TRIM37: variants seen among roughly 807,000 people sequenced by gnomAD.
The protein encoded by TRIM37 is tripartite motif containing 37.
TRIM37 carries 80 observed loss-of-function variants against 129.8 expected under a neutral mutation model. The ratio of observed to expected loss-of-function variants is 0.62; its 90% CI spans 0.51 to 0.74. TRIM37 has a LOEUF of 0.74. TRIM37 is among the 30% of genes least tolerant of loss of function. TRIM37 has a pLI of 0.00. For missense variants in TRIM37, 1,054 were observed against 1,176.5 expected (o/e 0.90, Z 1.52); for synonymous variants, 389 against 387.1 (o/e 1.00, Z -0.06).
At chr17:58,987,615 T>G (rs543538213) in intron 24 of TRIM37, among the ~76,000 whole-genome samples, 1 of 152,300 alleles carries the variant, frequency 6.6e-6, no homozygotes, top group African/African-American at 2.4e-5. Flanking sequence ...ATCTAGACTA[T>G]GAAGGCATGT....
chr17:59,102,975 T>C (rs922207146), intron 2 of TRIM37, among the ~76,000 whole-genome samples: 9 of 151,320 alleles, frequency 5.9e-5, no homozygotes, highest in Non-Finnish European at 1.3e-4. Context: ...CGGGTTCAAG[T>C]GATTCTCCTG....
chr17:59,014,162 C>T (rs780214107), intron 21 of TRIM37, among the ~76,000 whole-genome samples: 8 of 152,090 alleles, frequency 5.3e-5, no homozygotes, highest in Non-Finnish European at 1.0e-4. Context: ...ATTTTAACAC[C>T]TTTCTACTAC....
chr17:59,020,399 A>C (rs1567993993), intron 19 of TRIM37, among the ~76,000 whole-genome samples: 2 of 151,896 alleles, frequency 1.3e-5, no homozygotes, highest in African/African-American at 2.4e-5. Flanking sequence ...AGAAAAAAAA[A>C]CAGAAGTAAG....
At chr17:58,992,775 G>T (rs2032582752) in intron 24 of TRIM37, among the ~76,000 whole-genome samples, 1 of 152,186 alleles carries the variant, frequency 6.6e-6, no homozygotes, top group Non-Finnish European at 1.5e-5. Context: ...AGCTCCAACT[G>T]TCTAATGACA....
intron 15 of TRIM37, among the ~76,000 whole-genome samples, chr17:59,048,944 A>C: frequency 6.6e-6 from 1 of 152,232 alleles, no homozygotes; most frequent in East Asian, 1.9e-4. Context: ...AGGTTTTAAA[A>C]TGTGTATCAC....
chr17:59,057,391 A>G (rs1338741867), intron 12 of TRIM37, among the ~76,000 whole-genome samples: 3 of 152,098 alleles, frequency 2.0e-5, no homozygotes, highest in Non-Finnish European at 1.5e-5. Context: ...TTGTATTTTT[A>G]GTGGAGACGG....
intron 2 of TRIM37, among the ~76,000 whole-genome samples, chr17:59,098,529 A>G (rs1366030208): frequency 6.6e-6 from 1 of 151,988 alleles, no homozygotes; most frequent in Non-Finnish European, 1.5e-5. Flanking sequence ...GCCAGGCACG[A>G]TGGCACACAC....
At chr17:59,035,621 G>A (rs1398308215) in intron 17 of TRIM37, among the ~76,000 whole-genome samples, 2 of 151,748 alleles carry the variant, frequency 1.3e-5, no homozygotes, top group Non-Finnish European at 2.9e-5. Context: ...GTGGTGGAGG[G>A]CACCTGTAAT....
chr17:59,089,165 G>A (rs903728436), intron 3 of TRIM37, among the ~76,000 whole-genome samples: 3 of 152,058 alleles, frequency 2.0e-5, no homozygotes, highest in African/African-American at 4.8e-5. Context: ...GAGGTAGGAG[G>A]ACCACATGAG....
chr17:59,022,217 T>C (rs148032083), intron 19 of TRIM37, among the ~76,000 whole-genome samples: 7 of 152,218 alleles, frequency 4.6e-5, no homozygotes, highest in South Asian at 2.1e-4. Flanking sequence ...GGATCCTAAG[T>C]AAAATATTAG....
chr17:59,104,565 G>C, intron 1 of TRIM37, 171 bp from the exon 2 acceptor site: 1 of 770,764 alleles, frequency 1.3e-6, no homozygotes, highest in South Asian at 1.4e-5. Context: ...AAAACATCTG[G>C]AAAATGTACT....
chr17:59,050,600 C>T (rs555842138), intron 14 of TRIM37, among the ~76,000 whole-genome samples: 2 of 152,022 alleles, frequency 1.3e-5, no homozygotes, highest in African/African-American at 4.8e-5. Context: ...GAAGATCACC[C>T]GAGCTTGGGA....
intron 12 of TRIM37, among the ~76,000 whole-genome samples, chr17:59,060,242 T>C (rs1488285587): frequency 6.6e-6 from 1 of 152,162 alleles, no homozygotes; most frequent in African/African-American, 2.4e-5. Context: ...GGAGAAATTG[T>C]AGAGTTAGTT....
intron 12 of TRIM37, 150 bp from the exon 13 acceptor site, chr17:59,057,204 G>A: frequency 1.4e-6 from 1 of 731,748 alleles, no homozygotes; most frequent in South Asian, 1.8e-5. Context: ...TATAAAAACA[G>A]CAGTATTTTG....
rs2037248748 is a variant in TRIM37, at chr17:59,026,377, A to G, written c.2257+2038T>C. Among the ~76,000 whole-genome samples, 3 of 152,216 alleles carry G rather than the reference A, an allele frequency of 2.0e-5. No individual in the cohort carries two copies. The South Asian group carries it at 6.2e-4, about 31-fold the overall frequency. ...GCAATGTTTTCTTGGCTATGACACCAAAAGCACAGGGAACAAAAGGAAAAA... is the reference window on the plus strand; with the variant it reads ...GCAATGTTTTCTTGGCTATGACACCGAAAGCACAGGGAACAAAAGGAAAAA... On this transcript the variant is annotated intron_variant, in intron 19 of 23. Transcript: ENST00000262294.
At position 59,104,336 on chromosome 17, in the gene TRIM37, A is replaced by T. The variant is rs1302583684; in HGVS notation, c.80T>A (p.Leu27Gln). 1.2e-6 allele frequency: 2 copies of T among 1,614,230 alleles called. No homozygotes were observed. The highest frequency in any genetic ancestry group is 2.2e-5 in the South Asian group (2 of 91,088). Residue 27 changes from leucine to glutamine, a missense_variant, in exon 2 of 24, where the codon CTG (leucine) becomes CAG (glutamine). By Grantham distance (113) the Leu-to-Gln change is moderately radical. Transcript: ENST00000262294. The part of the protein sequence containing the change: ...ICMEKLRDAR[L>Q]CPHCSKLCCF... ...ACACAGTTTGGAGCAATGAGGACAC[A>T]GGCGTGCATCCCGCAATTTCTCCAT...
intron 19 of TRIM37, among the ~76,000 whole-genome samples, chr17:59,018,904 T>C (rs867083228): frequency 2.6e-5 from 4 of 152,154 alleles, no homozygotes; most frequent in African/African-American, 9.7e-5. Flanking sequence ...CAAAACAGAA[T>C]TGAGAGTCTA....
At chr17:59,080,440 T>C (rs1263397984) in intron 6 of TRIM37, among the ~76,000 whole-genome samples, 1 of 152,162 alleles carries the variant, frequency 6.6e-6, no homozygotes, top group Admixed American at 6.5e-5. Flanking sequence ...AAGCTGGGGA[T>C]CCAAAGAGTG....
rs184274647 is a variant in TRIM37 at position 59,005,156 on chromosome 17, T to G, written c.2696-3442A>C. On this transcript the variant is annotated intron_variant, in intron 22 of 23. Transcript: ENST00000262294. ...TTTGACCTCTTATTAGTAGTGTTTC[T>G]GAATTCCCGACAAATACCAACCTTC... Among the ~76,000 whole-genome samples, 4 of 152,376 alleles carry G rather than the reference T, an allele frequency of 2.6e-5. No individual in the cohort carries two copies. The East Asian group carries it at 7.7e-4, about 29-fold the overall frequency.
Sources: gnomAD v4.1 joint callset for allele counts (sites outside exome capture counted in the v4.1 genomes callset) on GRCh38, gnomAD v4.1.1 for gene constraint, MANE v1.5 for transcripts, NCBI Gene and HGNC (gene_info 2026-07-23, HGNC 2026-07-21) for gene names.